The following IKZF2 variants were observed in gnomAD, a reference collection of about 807,000 sequenced individuals.
The protein encoded by IKZF2 is IKAROS family zinc finger 2.
A neutral mutation model predicts 49.2 loss-of-function variants in IKZF2; 15 were observed. The ratio of observed to expected loss-of-function variants is 0.30; its 90% confidence interval spans 0.20 to 0.47. The LOEUF is 0.47. Among genes scored for constraint, IKZF2 ranks in the 20% least tolerant of loss-of-function variants. IKZF2 has a pLI of 1.00. For synonymous variants in IKZF2, 227 were observed against 221.4 expected (o/e 1.03, Z -0.23); for missense variants, 567 against 664.6 (o/e 0.85, Z 1.61).
intron 4 of IKZF2, among the ~76,000 whole-genome samples, chr2:213,119,053 G>A (rs1162763530): frequency 1.3e-5 from 2 of 152,168 alleles, no homozygotes; most frequent in African/African-American, 2.4e-5. Context: ...GAAAGCTGGG[G>A]AAAGGGTTCC....
intron 6 of IKZF2, among the ~76,000 whole-genome samples, chr2:213,031,289 C>A (rs1046221736): frequency 5.9e-5 from 9 of 152,188 alleles, no homozygotes; most frequent in African/African-American, 1.4e-4. Flanking sequence ...CCTGCATCCA[C>A]AGAGCTAACA....
At chr2:213,047,427 C>T (rs1700255523) in intron 6 of IKZF2, among the ~76,000 whole-genome samples, 2 of 152,038 alleles carry the variant, frequency 1.3e-5, no homozygotes, top group Non-Finnish European at 2.9e-5. Context: ...TCCTCCATAG[C>T]CAGAAGGCAT....
chr2:213,124,668 ACCTGAATAAGTATACAACTTATTT>A (rs1314008609), intron 4 of IKZF2, among the ~76,000 whole-genome samples: 3 of 152,236 alleles, frequency 2.0e-5, no homozygotes, highest in Admixed American at 1.3e-4. Context: ...GTGAGTCTAA[ACCTGAATAAGTATACAACTTATTT>A]CCTGAATAAG....
chr2:213,036,220 G>A (rs1378585326), intron 6 of IKZF2, among the ~76,000 whole-genome samples: 2 of 151,928 alleles, frequency 1.3e-5, no homozygotes, highest in Non-Finnish European at 2.9e-5. Flanking sequence ...GCCAAACCAT[G>A]GAAAATAAAA....
At chr2:213,129,397 C>T (rs1198775115) in intron 4 of IKZF2, among the ~76,000 whole-genome samples, 2 of 149,402 alleles carry the variant, frequency 1.3e-5, no homozygotes, top group East Asian at 3.9e-4. Flanking sequence ...GGCTTTCATG[C>T]AAAACAAGGA....
chr2:213,020,649 G>T (rs1028413823), intron 7 of IKZF2, among the ~76,000 whole-genome samples: 3 of 152,076 alleles, frequency 2.0e-5, no homozygotes, highest in Admixed American at 6.6e-5. Flanking sequence ...AGATTCTTTA[G>T]ATTATAGAAA....
rs1028954563 is a variant in IKZF2, at chr2:213,060,650, C to T, written c.140-3551G>A. Among the ~76,000 whole-genome samples the T allele has an allele frequency of 2.2e-4, 33 of 151,374 alleles. 1 individual carries two copies. The highest frequency in any genetic ancestry group is 6.5e-4 in the African/African-American group (27 of 41,462). On this transcript the variant is annotated intron_variant, in intron 4 of 8. Transcript: ENST00000434687. Reference sequence around the variant, plus strand: ...GGGCATATCTGTGGAAATGTACACACGTTATCATATGCTAATAAGCAATAA... The same window carrying T: ...GGGCATATCTGTGGAAATGTACACATGTTATCATATGCTAATAAGCAATAA...
rs1047174816 is a variant in IKZF2 at position 213,010,932 on chromosome 2, C to A, written c.857-2848G>T. 5.3e-5 allele frequency among the ~76,000 whole-genome samples: 8 copies of A among 152,132 alleles called. 1 individual carries two copies. The South Asian group carries it at 1.7e-3, about 32-fold the overall frequency. On this transcript the variant is annotated intron_variant, in intron 8 of 8. Transcript: ENST00000434687. Reference sequence around the variant, plus strand: ...TTTGTACTTTGGCCAACTTGCATAGCTGTTAAGGATAAGTCTGAAAGAATA... The same window carrying A: ...TTTGTACTTTGGCCAACTTGCATAGATGTTAAGGATAAGTCTGAAAGAATA...
At chr2:213,048,044 G>GA (rs1209798333) in intron 6 of IKZF2, among the ~76,000 whole-genome samples, 1 of 152,030 alleles carries the variant, frequency 6.6e-6, no homozygotes, top group Non-Finnish European at 1.5e-5. Flanking sequence ...CTATTATGAA[G>GA]AAAATTAGGG....
intron 4 of IKZF2, among the ~76,000 whole-genome samples, chr2:213,072,920 G>A (rs1360239660): frequency 6.6e-6 from 1 of 152,034 alleles, no homozygotes; most frequent in Non-Finnish European, 1.5e-5. Context: ...TTCTGCTTAA[G>A]CTTCTTCAAT....
chr2:213,024,777 C>T (rs189326030), intron 6 of IKZF2, among the ~76,000 whole-genome samples: 1 of 152,208 alleles, frequency 6.6e-6, no homozygotes, highest in East Asian at 1.9e-4. Flanking sequence ...TTCAATGGCT[C>T]TGCTATCTCC....
At chr2:213,146,814 A>G (rs1038399856) in intron 4 of IKZF2, among the ~76,000 whole-genome samples, 2 of 151,326 alleles carry the variant, frequency 1.3e-5, no homozygotes, top group South Asian at 2.1e-4. Flanking sequence ...AAAACAGAAA[A>G]CTTGTAAATT....
chr2:213,022,048 G>A lies in IKZF2; in HGVS notation c.657C>T (p.His219=), dbSNP rs774409357. Residue 219 remains histidine, a synonymous_variant, in exon 7 of 9, where the codon CAC becomes CAT. Coordinates refer to ENST00000434687, the MANE Select transcript of IKZF2 (RefSeq NM_001387220.1). The part of the protein sequence containing the change: ...SSLEEHKERC[H]NYLQNVSMEA... ...CCATGCTGACATTCTGGAGATAGTT[G>A]TGGCAGCGTTCCTTGTGCTCCTCCA... The A allele has an allele frequency of 6.2e-7, 1 of 1,613,870 alleles. No individual in the cohort carries two copies. Among genetic ancestry groups the A allele is most frequent in the Admixed American group, 1.7e-5 (1 of 59,994 alleles).
chr2:213,102,082 T>C lies in IKZF2; in HGVS notation c.140-44983A>G, dbSNP rs564957337. 2.0e-5 allele frequency among the ~76,000 whole-genome samples: 3 copies of C among 152,298 alleles called. No homozygotes were observed. In the East Asian group the frequency reaches 5.8e-4, roughly 29 times the overall value. ...TGCTACATGGATCTTTTTTACTTGT[T>C]TTGGTAAAACCAGGAAAGAAGCACA... On this transcript the variant is annotated intron_variant, in intron 4 of 8. Coordinates refer to ENST00000434687, the MANE Select transcript of IKZF2 (RefSeq NM_001387220.1).
intron 4 of IKZF2, among the ~76,000 whole-genome samples, chr2:213,132,337 C>T (rs568425855): frequency 1.2e-4 from 18 of 151,384 alleles, no homozygotes; most frequent in African/African-American, 4.1e-4. Context: ...AAAAAAAGAT[C>T]ATTTGGAATT....
intron 4 of IKZF2, among the ~76,000 whole-genome samples, chr2:213,076,988 G>A (rs1187280775): frequency 6.6e-6 from 1 of 152,150 alleles, no homozygotes; most frequent in Admixed American, 6.5e-5. Flanking sequence ...TCATTTCAAG[G>A]AAAATTTTGG....
chr2:213,075,979 G>C (rs1392750456), intron 4 of IKZF2, among the ~76,000 whole-genome samples: 1 of 152,160 alleles, frequency 6.6e-6, no homozygotes, highest in East Asian at 1.9e-4. Context: ...GCAAAGAGCA[G>C]AGCAGATAAG....
In IKZF2 at chr2:213,146,766, G is replaced by T. The variant is rs917149020; in HGVS notation, c.139+942C>A. Among the ~76,000 whole-genome samples, 236 of 124,532 alleles carry T rather than the reference G, an allele frequency of 1.9e-3. 18 individuals carry two copies. The highest frequency in any genetic ancestry group is 8.8e-3 in the Middle Eastern group (2 of 228). The allele number at this position is 124,532 out of a possible 152,430, so 81.7% of individuals were successfully genotyped here. Reference sequence around the variant, plus strand: ...TCTTAGTTATTAAATCTTCGGGGGGGGGGAAGGAAAGAGAATGCCTTTCCT... The same window carrying T: ...TCTTAGTTATTAAATCTTCGGGGGGTGGGAAGGAAAGAGAATGCCTTTCCT... On this transcript the variant is annotated intron_variant, in intron 4 of 8. Coordinates refer to ENST00000434687, the MANE Select transcript of IKZF2 (RefSeq NM_001387220.1).
intron 4 of IKZF2, chr2:213,147,242 C>A (rs1007331395): frequency 9.5e-6 from 2 of 210,214 alleles, no homozygotes; most frequent in Non-Finnish European, 1.9e-5. Flanking sequence ...CACTTCACTT[C>A]CAATGCTTTG....
Sources: gnomAD v4.1 joint callset for allele counts (sites outside exome capture counted in the v4.1 genomes callset) on GRCh38, gnomAD v4.1.1 for gene constraint, MANE v1.5 for transcripts, NCBI Gene and HGNC (gene_info 2026-07-23, HGNC 2026-07-21) for gene names.